Variants in PITPNM3 observed in about 807,000 individuals in gnomAD.
The protein encoded by PITPNM3 is PITPNM family member 3.
A neutral mutation model predicts 102.0 loss-of-function variants in PITPNM3; 26 were observed. That is an observed-to-expected ratio of 0.25 (90% CI 0.19 to 0.35). The LOEUF is 0.35. Among genes scored for constraint, PITPNM3 ranks in the 10% least tolerant of loss-of-function variants. The probability of loss-of-function intolerance (pLI) is 1.00; values close to 1 mark genes in which losing one functional copy is unlikely to be tolerated. For synonymous variants in PITPNM3, 578 were observed against 558.6 expected (o/e 1.03, Z -0.49); for missense variants, 1,083 against 1,346.1 (o/e 0.80, Z 3.06).
Position 6,537,910 on chromosome 17 carries a change from AC to A in PITPNM3, c.118+76del, listed in dbSNP as rs1339488006. On this transcript the variant is annotated intron_variant, in intron 2 of 19. Coordinates refer to ENST00000262483, the MANE Select transcript of PITPNM3 (RefSeq NM_031220.4). This position sits in a 1 kb window ranked among gnomAD's most constrained non-coding sequence, Gnocchi z 4.4. ...CACGTCTGAGTGGGGAGGGATGCGGACCCCCAAATGGGATCTTCTTCTTGAG... is the reference window on the plus strand; with the variant it reads ...CACGTCTGAGTGGGGAGGGATGCGGACCCCAAATGGGATCTTCTTCTTGAG... 2.4e-6 allele frequency: 3 copies of A among 1,224,620 alleles called. No individual in the cohort carries two copies. The highest frequency in any genetic ancestry group is 3.0e-5 in the African/African-American group (2 of 66,910). The allele number at this position is 1,224,620 out of a possible 1,614,324, so 75.9% of individuals were successfully genotyped here.
At chr17:6,501,102 G>T (rs762534799) in intron 4 of PITPNM3, among the ~76,000 whole-genome samples, 5 of 152,210 alleles carry the variant, frequency 3.3e-5, no homozygotes, top group South Asian at 2.1e-4. Flanking sequence ...ATTCAATTGT[G>T]TCTGTGGAAA....
At position 6,484,771 on chromosome 17, in the gene PITPNM3, G is replaced by C. The variant is rs564336976; in HGVS notation, c.275-479C>G. Among the ~76,000 whole-genome samples the C allele has an allele frequency of 2.0e-4, 30 of 152,340 alleles. 1 individual carries two copies. Among genetic ancestry groups the C allele is most frequent in the African/African-American group, 6.7e-4 (28 of 41,584 alleles). On this transcript the variant is annotated intron_variant, in intron 4 of 19. Transcript: ENST00000262483. The stretch of plus-strand genomic sequence containing the variant: ...TAAAACATGTTCTCTGGGTCTACCT[G>C]TGAGGTGTTTTGGGAAGAGGTTGGC...
intron 3 of PITPNM3, among the ~76,000 whole-genome samples, chr17:6,508,329 G>A (rs1012356469): frequency 1.3e-5 from 2 of 152,202 alleles, no homozygotes; most frequent in Admixed American, 6.5e-5. Flanking sequence ...GTGCTTTCCC[G>A]CACATGAAAT....
At chr17:6,491,412 C>T (rs1236285566) in intron 4 of PITPNM3, among the ~76,000 whole-genome samples, 3 of 152,124 alleles carry the variant, frequency 2.0e-5, no homozygotes, top group Admixed American at 1.3e-4. Context: ...GATGGAACAG[C>T]GTGAAGCTGT....
intron 2 of PITPNM3, among the ~76,000 whole-genome samples, chr17:6,530,962 G>C (rs1010767469): frequency 6.6e-6 from 1 of 152,208 alleles, no homozygotes; most frequent in Non-Finnish European, 1.5e-5. Context: ...GTACAGAGCT[G>C]TGCCACTGGC....
chr17:6,469,733 A>G lies in PITPNM3; in HGVS notation c.1773+527T>C. Among the ~76,000 whole-genome samples, 1 of 152,168 alleles carries G rather than the reference A, an allele frequency of 6.6e-6. No individual in the cohort carries two copies. Among genetic ancestry groups the G allele is most frequent in the East Asian group, 1.9e-4 (1 of 5,186 alleles). On this transcript the variant is annotated intron_variant, in intron 13 of 19. Coordinates refer to ENST00000262483, the MANE Select transcript of PITPNM3 (RefSeq NM_031220.4). The surrounding 1 kb of genome is among the most constrained non-coding windows in gnomAD (Gnocchi z 4.0). The stretch of plus-strand genomic sequence containing the variant: ...GCCTCAGCCTCAGGGTTTCCTTCAA[A>G]AAACACAAGCCAGTTGCTATTTCTT...
intron 10 of PITPNM3, among the ~76,000 whole-genome samples, chr17:6,473,509 T>C (rs1905157556): frequency 6.6e-6 from 1 of 152,154 alleles, no homozygotes; most frequent in Non-Finnish European, 1.5e-5. Context: ...TACTGTAGCT[T>C]GTCAGTAAGC....
At chr17:6,506,384 T>C (rs1169922028) in intron 3 of PITPNM3, among the ~76,000 whole-genome samples, 1 of 151,716 alleles carries the variant, frequency 6.6e-6, no homozygotes, top group Middle Eastern at 3.4e-3. Context: ...TCTCTCTTTT[T>C]TTTTTTTTGA....
chr17:6,540,761 A>C (rs999091578), intron 1 of PITPNM3, among the ~76,000 whole-genome samples: 7 of 152,086 alleles, frequency 4.6e-5, no homozygotes, highest in African/African-American at 1.7e-4. Flanking sequence ...CGGGTTCAAG[A>C]GATTCTCCTG....
intron 1 of PITPNM3, among the ~76,000 whole-genome samples, chr17:6,538,355 G>A (rs1909558660): frequency 6.6e-6 from 1 of 152,226 alleles, no homozygotes; most frequent in Admixed American, 6.5e-5. Flanking sequence ...CCTTTGCCAA[G>A]GTGACTTTGC....
Position 6,463,838 on chromosome 17 carries a change from T to C in PITPNM3, c.2200A>G (p.Arg734Gly). The stretch of plus-strand genomic sequence containing the variant: ...CTGAACACTACACACTCCATGCCCC[T>C]GGGCAACACCGTGAGGTAGCTCATG... ...CAMSYLTVLP[R>G]GMECVVFSID... The change falls in exon 17 of 20, where the codon AGG becomes GGG. Residue 734 changes from arginine (R) to glycine (G), a missense_variant. Arg to Gly is a moderately radical substitution (Grantham distance 125). Transcript: ENST00000262483. 1.9e-6 allele frequency: 3 copies of C among 1,614,016 alleles called. No individual in the cohort carries two copies. Among genetic ancestry groups the C allele is most frequent in the Non-Finnish European group, 2.5e-6 (3 of 1,179,996 alleles).
At chr17:6,475,285 C>T (rs372213739) in intron 9 of PITPNM3, among the ~76,000 whole-genome samples, 2 of 152,200 alleles carry the variant, frequency 1.3e-5, no homozygotes, top group East Asian at 1.9e-4. Flanking sequence ...ATTTCCAACC[C>T]AGGTGCCCAC....
intron 3 of PITPNM3, among the ~76,000 whole-genome samples, chr17:6,507,052 A>T (rs1046026449): frequency 1.3e-5 from 2 of 152,140 alleles, no homozygotes; most frequent in Non-Finnish European, 2.9e-5. Context: ...GTGGAGTATA[A>T]GCACCTAACC....
chr17:6,526,722 G>A (rs924695585), intron 2 of PITPNM3, among the ~76,000 whole-genome samples: 9 of 152,248 alleles, frequency 5.9e-5, no homozygotes, highest in African/African-American at 1.2e-4. Context: ...ATATTAACTC[G>A]ATTCTCAAAA....
intron 1 of PITPNM3, among the ~76,000 whole-genome samples, chr17:6,541,940 A>G (rs759961368): frequency 2.0e-5 from 3 of 152,198 alleles, no homozygotes; most frequent in Non-Finnish European, 2.9e-5. Flanking sequence ...AGTCATCCTA[A>G]CCAAGCCTAG....
At chr17:6,527,942 C>CTG (rs899432726) in intron 2 of PITPNM3, among the ~76,000 whole-genome samples, 1 of 152,230 alleles carries the variant, frequency 6.6e-6, no homozygotes, top group Non-Finnish European at 1.5e-5. Context: ...AGCATGCCTA[C>CTG]TCCTGCATGG....
intron 3 of PITPNM3, among the ~76,000 whole-genome samples, chr17:6,512,168 G>T (rs192106976): frequency 6.6e-6 from 1 of 152,298 alleles, no homozygotes; most frequent in East Asian, 1.9e-4. Context: ...GGACACCATG[G>T]AAAGCTGAAA....
chr17:6,471,073 C>T, intron 12 of PITPNM3, 88 bp downstream of exon 12: 1 of 1,490,684 alleles, frequency 6.7e-7, no homozygotes, highest in Admixed American at 1.8e-5. Flanking sequence ...GGCCTGCCCT[C>T]AGCAGCTCTA....
chr17:6,536,755 T>C (rs1909456980), intron 2 of PITPNM3, among the ~76,000 whole-genome samples: 1 of 152,238 alleles, frequency 6.6e-6, no homozygotes, highest in African/African-American at 2.4e-5. Context: ...TCCCAGCACG[T>C]AGTCTGTTTC....
Sources: gnomAD v4.1 joint callset for allele counts (sites outside exome capture counted in the v4.1 genomes callset) on GRCh38, gnomAD v4.1.1 for gene constraint, Gnocchi (gnomAD v3.1) non-coding constraint, MANE v1.5 for transcripts, NCBI Gene and HGNC (gene_info 2026-07-23, HGNC 2026-07-21) for gene names.